The following AFF2 variants were observed in gnomAD, a reference collection of about 807,000 sequenced individuals.
AFF2 encodes AF4/FMR2 family member 2.
Under a neutral mutation model 76.9 loss-of-function variants are expected in AFF2, and 14 were observed. The observed-to-expected ratio is 0.18, with a 90% CI of 0.12 to 0.28. The LOEUF is 0.28. Among genes scored for constraint, AFF2 ranks in the 10% least tolerant of loss-of-function variants. AFF2 has a pLI of 1.00. For synonymous variants in AFF2, 398 were observed against 366.7 expected (o/e 1.09, Z -0.98); for missense variants, 868 against 1,001.1 (o/e 0.87, Z 1.79).
At chrX:148,522,673 T>A (rs1225435815) in intron 1 of AFF2, among the ~76,000 whole-genome samples, 1 of 112,279 alleles carries the variant, frequency 8.9e-6, no homozygotes, top group Non-Finnish European at 1.9e-5. Context: ...AATTGTACAG[T>A]TGCACAACGA....
chrX:148,553,228 A>G (rs1317720086), intron 1 of AFF2, among the ~76,000 whole-genome samples: 1 of 111,894 alleles, frequency 8.9e-6, no homozygotes, highest in Admixed American at 9.5e-5. Context: ...CCAAAACAAG[A>G]CACAGACCAA....
intron 6 of AFF2, 47 bp from the exon 7 acceptor site, chrX:148,843,335 T>A (rs2070625437): frequency 9.3e-7 from 1 of 1,069,585 alleles, no homozygotes; most frequent in Admixed American, 2.3e-5. Context: ...AATAATCATT[T>A]GACAGTAGGA....
chrX:148,726,877 G>A (rs1364413283), intron 3 of AFF2, among the ~76,000 whole-genome samples: 2 of 111,064 alleles, frequency 1.8e-5, no homozygotes, highest in African/African-American at 6.6e-5. Flanking sequence ...ATCCCCCAGG[G>A]CACACATGGT....
intron 1 of AFF2, among the ~76,000 whole-genome samples, chrX:148,526,366 G>GTTTT (rs34179499): frequency 1.5e-3 from 92 of 62,531 alleles, no homozygotes; most frequent in Non-Finnish European, 1.8e-3. Context: ...ATACAATCTT[G>GTTTT]TTTTTTTTTT....
chrX:148,975,326 A>G (rs1021380504), intron 16 of AFF2, among the ~76,000 whole-genome samples: 6 of 112,439 alleles, frequency 5.3e-5, no homozygotes, highest in African/African-American at 1.9e-4. Flanking sequence ...ATAGCACACA[A>G]TTGGAAGCAC....
chrX:148,565,325 C>T (rs1026179909), intron 1 of AFF2, among the ~76,000 whole-genome samples: 3 of 111,376 alleles, frequency 2.7e-5, no homozygotes, highest in African/African-American at 9.8e-5. Context: ...AAACTACTGA[C>T]ATCTTTCAAA....
chrX:148,687,943 T>C (rs1213022351), intron 3 of AFF2, among the ~76,000 whole-genome samples: 3 of 110,612 alleles, frequency 2.7e-5, no homozygotes, highest in Non-Finnish European at 5.7e-5. Context: ...TATTTGGATG[T>C]TCCCATTGGG....
chrX:148,553,452 T>G (rs1557239232), intron 1 of AFF2, among the ~76,000 whole-genome samples: 1 of 112,309 alleles, frequency 8.9e-6, no homozygotes, highest in Non-Finnish European at 1.9e-5. Context: ...GTTACAAGCA[T>G]ATTTTATAGT....
At chrX:148,752,276 A>G (rs1557266543) in intron 3 of AFF2, among the ~76,000 whole-genome samples, 2 of 112,112 alleles carry the variant, frequency 1.8e-5, no homozygotes, top group Non-Finnish European at 3.8e-5. Context: ...AACAAGTTAT[A>G]ATATGAACTT....
chrX:148,691,988 T>G lies in AFF2; in HGVS notation c.1041+29220T>G, dbSNP rs781835132. On this transcript the variant is annotated intron_variant, in intron 3 of 20. Transcript: ENST00000370460. ...CAGAAATATTCATTTTACCTAAAAC[T>G]ACTAGACTTGAGATTATTAGTTTAA... 6.3e-5 allele frequency among the ~76,000 whole-genome samples: 7 copies of G among 110,684 alleles called. No individual in the cohort carries two copies. The South Asian group carries it at 2.3e-3, about 36-fold the overall frequency.
intron 3 of AFF2, among the ~76,000 whole-genome samples, chrX:148,689,084 T>C: frequency 8.9e-6 from 1 of 111,868 alleles, no homozygotes; most frequent in South Asian, 3.7e-4. Context: ...GCTAGAACAC[T>C]GAGACAAAGG....
chrX:148,828,872 G>A (rs1273817039), intron 4 of AFF2, among the ~76,000 whole-genome samples: 1 of 112,150 alleles, frequency 8.9e-6, no homozygotes, highest in East Asian at 2.8e-4. Context: ...TTGATTGATT[G>A]CCTGATTGAG....
At chrX:148,892,455 G>A (rs894214286) in intron 8 of AFF2, among the ~76,000 whole-genome samples, 5 of 110,788 alleles carry the variant, frequency 4.5e-5, no homozygotes, top group Non-Finnish European at 7.6e-5. Context: ...GTTTGGTGGT[G>A]GTCATGGTCA....
At chrX:148,507,017 T>G (rs1177616105) in intron 1 of AFF2, among the ~76,000 whole-genome samples, 1 of 112,300 alleles carries the variant, frequency 8.9e-6, no homozygotes, top group East Asian at 2.8e-4. Flanking sequence ...TGTGTCACCC[T>G]CTGGCATCAT....
At chrX:148,580,411 A>T (rs1369368441) in intron 1 of AFF2, among the ~76,000 whole-genome samples, 1 of 111,414 alleles carries the variant, frequency 9.0e-6, no homozygotes, top group African/African-American at 3.3e-5. Flanking sequence ...AAATAAAATG[A>T]AAAATATTAT....
intron 3 of AFF2, among the ~76,000 whole-genome samples, chrX:148,697,306 C>T (rs1466835203): frequency 3.6e-5 from 4 of 112,438 alleles, no homozygotes; most frequent in Non-Finnish European, 7.5e-5. Flanking sequence ...TGTTGTGATA[C>T]CCCATTTAAA....
rs182921793 is a variant in AFF2 at position 148,816,029 on chromosome X, G to A, written c.1086+6109G>A. 7.1e-5 allele frequency among the ~76,000 whole-genome samples: 8 copies of A among 112,056 alleles called. No homozygotes were observed. The East Asian group carries it at 1.7e-3, about 24-fold the overall frequency. On this transcript the variant is annotated intron_variant, in intron 4 of 20. Coordinates refer to ENST00000370460, the MANE Select transcript of AFF2 (RefSeq NM_002025.4). ...TACACCTGTTTTCTGTATCTTGGGT[G>A]TAAGGAGAGAGTAATGAAACAACAC...
chrX:148,976,335 A>C (rs2124408970), intron 16 of AFF2, among the ~76,000 whole-genome samples: 1 of 112,195 alleles, frequency 8.9e-6, no homozygotes, highest in Non-Finnish European at 1.9e-5. Context: ...AACACTCCGA[A>C]GACTTCATTC....
chrX:148,600,494 A>G (rs1194686234), intron 1 of AFF2, among the ~76,000 whole-genome samples: 1 of 112,031 alleles, frequency 8.9e-6, no homozygotes. Flanking sequence ...GACGGGCGTT[A>G]TTCAAATACT....
Sources: allele counts gnomAD v4.1 joint callset (sites outside exome capture counted in the v4.1 genomes callset), GRCh38; gene constraint gnomAD v4.1.1; transcripts MANE v1.5; gene names NCBI Gene and HGNC (gene_info 2026-07-23, HGNC 2026-07-21).